Variants in PRKCB observed in about 807,000 individuals in gnomAD.
The protein encoded by PRKCB is protein kinase C beta, also known as protein kinase C beta type.
PRKCB carries 13 observed loss-of-function variants against 81.5 expected under a neutral mutation model. The observed-to-expected ratio is 0.16, with a 90% CI of 0.10 to 0.25. The LOEUF (loss-of-function observed/expected upper bound fraction) is 0.25. Among genes scored for constraint, PRKCB ranks in the 10% least tolerant of loss-of-function variants. PRKCB has a pLI of 1.00. For missense variants in PRKCB, 509 were observed against 875.7 expected (o/e 0.58, Z 5.29); for synonymous variants, 335 against 321.4 (o/e 1.04, Z -0.45).
At chr16:24,021,087 C>CTTTCTT (rs1965374980) in intron 3 of PRKCB, among the ~76,000 whole-genome samples, 1 of 119,798 alleles carries the variant, frequency 8.3e-6, no homozygotes, top group African/African-American at 3.2e-5. Flanking sequence ...TTCTTTCTTT[C>CTTTCTT]TTTTTTTCTT....
intron 2 of PRKCB, among the ~76,000 whole-genome samples, chr16:23,851,070 T>C (rs772814309): frequency 5.3e-5 from 8 of 152,228 alleles, no homozygotes; most frequent in Non-Finnish European, 1.2e-4. Flanking sequence ...GGGCTGTCTC[T>C]TCACTTTGTT....
chr16:24,094,438 C>G, intron 7 of PRKCB, 141 bp downstream of exon 7: 1 of 1,194,172 alleles, frequency 8.4e-7, no homozygotes, highest in Non-Finnish European at 1.2e-6. Context: ...ATCTGCCTTG[C>G]AGATATGTTT....
Position 24,220,284 on chromosome 16 carries a change from T to C in PRKCB, c.*5468T>C. The C allele has an allele frequency of 4.0e-6, 3 of 757,358 alleles. No homozygotes were observed. The highest frequency in any genetic ancestry group is 6.0e-6 in the Non-Finnish European group (3 of 496,310). 46.9% of individuals were successfully genotyped at this position (757,358 alleles called of 1,614,324 possible). A position where few individuals can be genotyped will look rare whatever the true frequency, so the allele number is the denominator to read the frequency against. ...TAGCTTGCTAGTTTGTTTTCTACAT[T>C]TGAAAATGTTTAGTTTAGAATAAGC... On this transcript the variant is annotated 3_prime_UTR_variant, in exon 17 of 17. Transcript: ENST00000643927.
At chr16:23,870,802 C>T (rs761643920) in intron 2 of PRKCB, among the ~76,000 whole-genome samples, 48 of 152,168 alleles carry the variant, frequency 3.2e-4, no homozygotes, top group Non-Finnish European at 4.7e-4. Context: ...TAACAAACTA[C>T]CTCTAAACTG....
intron 8 of PRKCB, among the ~76,000 whole-genome samples, chr16:24,113,302 C>T (rs758210056): frequency 7.4e-5 from 11 of 148,428 alleles, no homozygotes; most frequent in Non-Finnish European, 1.0e-4. Context: ...TGCTTTCTCG[C>T]TTTCTTCCTT....
At chr16:23,981,019 G>A (rs868155923) in intron 2 of PRKCB, among the ~76,000 whole-genome samples, 11 of 152,044 alleles carry the variant, frequency 7.2e-5, no homozygotes, top group East Asian at 1.9e-4. Context: ...TTAACCAGGC[G>A]TTTCTTATCC....
intron 2 of PRKCB, among the ~76,000 whole-genome samples, chr16:23,973,417 A>G (rs1964583981): frequency 6.6e-6 from 1 of 152,130 alleles, no homozygotes; most frequent in South Asian, 2.1e-4. Context: ...TCCTGACCTC[A>G]GGTGATTCAC....
intron 2 of PRKCB, among the ~76,000 whole-genome samples, chr16:23,973,634 T>C (rs1383595049): frequency 2.0e-5 from 3 of 152,034 alleles, no homozygotes; most frequent in African/African-American, 4.8e-5. Flanking sequence ...TAAACCTAGA[T>C]TGGCACGTCA....
intron 3 of PRKCB, among the ~76,000 whole-genome samples, chr16:24,012,714 G>T (rs142556014): frequency 6.6e-6 from 1 of 152,210 alleles, no homozygotes; most frequent in East Asian, 1.9e-4. Context: ...TTGTGTCAGC[G>T]TACCACAAGG....
chr16:23,869,030 TTG>T, intron 2 of PRKCB: 1 of 438,338 alleles, frequency 2.3e-6, no homozygotes, highest in Non-Finnish European at 4.6e-6. Flanking sequence ...GTGGATTGTG[TTG>T]TTGTCTCAAT....
intron 3 of PRKCB, among the ~76,000 whole-genome samples, chr16:24,007,657 G>A (rs966682348): frequency 1.1e-4 from 17 of 152,200 alleles, no homozygotes; most frequent in Non-Finnish European, 1.8e-4. Context: ...GAAACCAACC[G>A]TGCACAGAGA....
chr16:23,859,547 G>A (rs557574086), intron 2 of PRKCB, among the ~76,000 whole-genome samples: 1 of 152,138 alleles, frequency 6.6e-6, no homozygotes, highest in South Asian at 2.1e-4. Flanking sequence ...TGGTGGAGAG[G>A]GGGGAGAAAT....
At chr16:23,891,526 G>A (rs1361665775) in intron 2 of PRKCB, among the ~76,000 whole-genome samples, 1 of 152,052 alleles carries the variant, frequency 6.6e-6, no homozygotes, top group African/African-American at 2.4e-5. Context: ...TGAGGGGCAG[G>A]GGCTCTCTTG....
Position 24,143,091 on chromosome 16 carries a change from C to A in PRKCB, c.1066-11593C>A, listed in dbSNP as rs1326836026. On this transcript the variant is annotated intron_variant, in intron 9 of 16. Coordinates refer to ENST00000643927, the MANE Select transcript of PRKCB (RefSeq NM_002738.7). ...ATTTAGTGTTTGAGGACCCTGTGAG[C>A]CCTAAAGGTCTCTTTCTCTTATTTT... Among the ~76,000 whole-genome samples the A allele has an allele frequency of 6.6e-5, 10 of 152,076 alleles. 1 individual carries two copies. The highest frequency in any genetic ancestry group is 6.6e-4 in the Admixed American group (10 of 15,250).
intron 7 of PRKCB, among the ~76,000 whole-genome samples, chr16:24,097,059 C>G (rs1366686854): frequency 1.0e-5 from 1 of 95,258 alleles, no homozygotes; most frequent in East Asian, 3.5e-4. Context: ...TTTTTTGAGA[C>G]GGAGTCTTGC....
chr16:24,108,032 T>C (rs1391767365), intron 7 of PRKCB, among the ~76,000 whole-genome samples: 1 of 152,244 alleles, frequency 6.6e-6, no homozygotes, highest in East Asian at 1.9e-4. Context: ...GTTAACACTC[T>C]AACACTTGCT....
At chr16:24,038,813 A>G (rs1028207822) in intron 5 of PRKCB, among the ~76,000 whole-genome samples, 1 of 152,158 alleles carries the variant, frequency 6.6e-6, no homozygotes, top group Non-Finnish European at 1.5e-5. Flanking sequence ...TCAGCCTGGT[A>G]TCTGGTGGAA....
chr16:23,944,559 T>A (rs1329351382), intron 2 of PRKCB, among the ~76,000 whole-genome samples: 3 of 152,194 alleles, frequency 2.0e-5, no homozygotes, highest in Admixed American at 6.5e-5. Context: ...GGGATGATGA[T>A]CTCACATGAT....
At chr16:24,193,311 G>A (rs1414882948) in intron 16 of PRKCB, among the ~76,000 whole-genome samples, 3 of 151,798 alleles carry the variant, frequency 2.0e-5, no homozygotes, top group African/African-American at 7.3e-5. Flanking sequence ...TAGGTGTGAT[G>A]GTGGGTGCCT....
Sources: allele counts gnomAD v4.1 joint callset (sites outside exome capture counted in the v4.1 genomes callset), GRCh38; gene constraint gnomAD v4.1.1; transcripts MANE v1.5; gene names NCBI Gene and HGNC (gene_info 2026-07-23, HGNC 2026-07-21).